The following RPS23 variants were observed in gnomAD, a reference collection of about 807,000 sequenced individuals.
The protein encoded by RPS23 is small ribosomal subunit protein uS12.
For missense variants in RPS23, 73 were observed against 174.5 expected (o/e 0.42, Z 3.28); for synonymous variants, 66 against 60.4 (o/e 1.09, Z -0.43).
In RPS23 at chr5:82,277,661, A is replaced by T. The variant is rs77901471; in HGVS notation, c.164+32T>A. On this transcript the variant is annotated intron_variant, in intron 2 of 3. Coordinates refer to ENST00000296674, the MANE Select transcript of RPS23 (RefSeq NM_001025.5). ...AGTTCATGTCTCGAATTCCTATAAT[A>T]AACTAAAACTTGACGGGAGCAATGG... 1,537 of 1,606,890 alleles carry T rather than the reference A, an allele frequency of 9.6e-4. 15 individuals carry two copies. The African/African-American group carries it at 0.018, about 19-fold the overall frequency.
In RPS23 at chr5:82,275,715, G is replaced by C. The variant is rs146325047; in HGVS notation, c.*394C>G. 8.1e-6 allele frequency: 2 copies of C among 247,504 alleles called. No individual in the cohort carries two copies. The highest frequency in any genetic ancestry group is 5.0e-5 in the Admixed American group (1 of 20,124). 15.3% of individuals were successfully genotyped at this position (247,504 alleles called of 1,614,324 possible). A position where few individuals can be genotyped will look rare whatever the true frequency, so the allele number is the denominator to read the frequency against. Reference sequence around the variant, plus strand: ...CTATGTGCAATGAAATTTGGTAACTGAAGTGTTGCACCCGATATGGAAAAT... The same window carrying C: ...CTATGTGCAATGAAATTTGGTAACTCAAGTGTTGCACCCGATATGGAAAAT... On this transcript the variant is annotated 3_prime_UTR_variant, in exon 4 of 4. Transcript: ENST00000296674.
At position 82,276,418 on chromosome 5, in the gene RPS23, C is replaced by T. The variant is rs755615633; in HGVS notation, c.265G>A (p.Gly89Ser). Residue 89 changes from glycine (G) to serine (S), a missense_variant, in exon 3 of 4, where the codon GGT becomes AGT. Transcript: ENST00000296674. The stretch of plus-strand genomic sequence containing the variant: ...CTCACCTCAATAAAGTTCAAGCAAC[C>T]GTCATTGGGTACAAAGGCTGTGATT... Reference protein sequence around the residue: ...KKITAFVPNDGCLNFIEENDE... With the variant: ...KKITAFVPNDSCLNFIEENDE... 2 of 1,613,916 alleles carry T rather than the reference C, an allele frequency of 1.2e-6. No homozygotes were observed.
chr5:82,277,547 G>A lies in RPS23; in HGVS notation c.164+146C>T, dbSNP rs146177646. On this transcript the variant is annotated intron_variant, in intron 2 of 3. Transcript: ENST00000296674. ...AACTAATTTTACCAACTTTTAAATA[G>A]AACAAACGCTTTGCAATTTTACCCC... The A allele has an allele frequency of 1.7e-5, 14 of 831,912 alleles. No individual in the cohort carries two copies. In the East Asian group the frequency reaches 2.7e-4, roughly 16 times the overall value. 51.5% of individuals were successfully genotyped at this position (831,912 alleles called of 1,614,324 possible).
chr5:82,277,432 T>G (rs1312051862), intron 2 of RPS23: 2 of 482,682 alleles, frequency 4.1e-6, no homozygotes, highest in Non-Finnish European at 3.7e-6. Flanking sequence ...AGTAAAGGTG[T>G]TTGTGTCCTT....
chr5:82,275,198 C>A lies in RPS23; in HGVS notation c.*911G>T, dbSNP rs115286258. Reference sequence around the variant, plus strand: ...AGGCTTTGATCAAAGGGCTAATTAACCCATACTTACTATTTGTTAACAGGA... The same window carrying A: ...AGGCTTTGATCAAAGGGCTAATTAAACCATACTTACTATTTGTTAACAGGA... On this transcript the variant is annotated 3_prime_UTR_variant, in exon 4 of 4. Coordinates refer to ENST00000296674, the MANE Select transcript of RPS23 (RefSeq NM_001025.5). The A allele has an allele frequency of 3.4e-3, 2,375 of 702,472 alleles. 34 individuals are homozygous for A. The African/African-American group carries it at 0.036, about 11-fold the overall frequency. The allele number at this position is 702,472 out of a possible 1,614,324, so 43.5% of individuals were successfully genotyped here.
rs756433834 is a variant in RPS23, at chr5:82,276,423, T to C, written c.260A>G (p.Asn87Ser). Residue 87 changes from asparagine to serine, a missense_variant, in exon 3 of 4, where the codon AAT (asparagine) becomes AGT (serine). By Grantham distance (46) the Asn-to-Ser change is conservative. Transcript: ENST00000296674. ...CTCAATAAAGTTCAAGCAACCGTCA[T>C]TGGGTACAAAGGCTGTGATTTTCTT... ...NGKKITAFVP[N>S]DGCLNFIEEN... is the part of the protein sequence containing the mutation. The C allele has an allele frequency of 3.5e-5, 56 of 1,613,842 alleles. No individual in the cohort carries two copies. Among genetic ancestry groups the C allele is most frequent in the Middle Eastern group, 1.6e-4 (1 of 6,084 alleles).
intron 2 of RPS23, 199 bp downstream of exon 2, chr5:82,277,494 T>C: frequency 3.3e-6 from 2 of 611,382 alleles, no homozygotes; most frequent in Admixed American, 2.9e-5. Context: ...CAACGTTAAA[T>C]TAAAACCTTA....
rs1175229080 is a variant in RPS23, at chr5:82,275,834, T to C, written c.*275A>G. On this transcript the variant is annotated 3_prime_UTR_variant, in exon 4 of 4. Transcript: ENST00000296674. ...AAAGTAATACTACAATACTGCACATTTATTCCAGATCTATCCCATTTTCTT... is the reference window on the plus strand; with the variant it reads ...AAAGTAATACTACAATACTGCACATCTATTCCAGATCTATCCCATTTTCTT... The C allele has an allele frequency of 4.9e-6, 2 of 411,622 alleles. No individual in the cohort carries two copies. Among genetic ancestry groups the C allele is most frequent in the African/African-American group, 4.1e-5 (2 of 49,294 alleles). 25.5% of individuals were successfully genotyped at this position (411,622 alleles called of 1,614,324 possible).
At chr5:82,277,433 T>C (rs1747892957) in intron 2 of RPS23, 1 of 484,676 alleles carries the variant, frequency 2.1e-6, no homozygotes. Flanking sequence ...GTAAAGGTGT[T>C]TGTGTCCTTT....
Position 82,276,010 on chromosome 5 carries a change from T to A in RPS23, c.*99A>T. On this transcript the variant is annotated 3_prime_UTR_variant, in exon 4 of 4. Coordinates refer to ENST00000296674, the MANE Select transcript of RPS23 (RefSeq NM_001025.5). The stretch of plus-strand genomic sequence containing the variant: ...AAAAAATAAGGGGGGGTGGTGGTGG[T>A]AATGAACATGATCTTCGTGGTGAGA... 1 of 1,137,922 alleles carries A rather than the reference T, an allele frequency of 8.8e-7. No individual in the cohort carries two copies. The highest frequency in any genetic ancestry group is 1.5e-5 in the South Asian group (1 of 65,244). 70.5% of individuals were successfully genotyped at this position (1,137,922 alleles called of 1,614,324 possible).
In RPS23 at chr5:82,274,875, G is replaced by A; in HGVS notation, c.*1234C>T. On this transcript the variant is annotated 3_prime_UTR_variant, in exon 4 of 4. Transcript: ENST00000296674. ...CATCATCATCAAGAGATAAACCGAA[G>A]TGTGCTGGAAAACACACGAGCTCTT... The A allele has an allele frequency of 3.9e-6, 1 of 253,560 alleles. No individual in the cohort carries two copies. The highest frequency in any genetic ancestry group is 2.2e-5 in the African/African-American group (1 of 45,262). The allele number at this position is 253,560 out of a possible 1,614,324, so 15.7% of individuals were successfully genotyped here. A position where few individuals can be genotyped will look rare whatever the true frequency, so the allele number is the denominator to read the frequency against.
rs146325047 is a variant in RPS23, at chr5:82,275,715, G to T, written c.*394C>A. The T allele has an allele frequency of 6.8e-4, 168 of 247,622 alleles. No homozygotes were observed. Among genetic ancestry groups the T allele is most frequent in the African/African-American group, 3.3e-3 (147 of 44,634 alleles). The allele number at this position is 247,622 out of a possible 1,614,324, so 15.3% of individuals were successfully genotyped here. A position where few individuals can be genotyped will look rare whatever the true frequency, so the allele number is the denominator to read the frequency against. On this transcript the variant is annotated 3_prime_UTR_variant, in exon 4 of 4. Coordinates refer to ENST00000296674, the MANE Select transcript of RPS23 (RefSeq NM_001025.5). ...CTATGTGCAATGAAATTTGGTAACT[G>T]AAGTGTTGCACCCGATATGGAAAAT...
Position 82,274,945 on chromosome 5 carries a change from G to C in RPS23, c.*1164C>G. On this transcript the variant is annotated 3_prime_UTR_variant, in exon 4 of 4. Coordinates refer to ENST00000296674, the MANE Select transcript of RPS23 (RefSeq NM_001025.5). ...GCAAGGAACCATAGTAACAGGAACA[G>C]AGGTCCTGAGGCTGGATATGGAACC... 1 of 436,590 alleles carries C rather than the reference G, an allele frequency of 2.3e-6. No individual in the cohort carries two copies. Among genetic ancestry groups the C allele is most frequent in the East Asian group, 4.1e-5 (1 of 24,462 alleles). 27.0% of individuals were successfully genotyped at this position (436,590 alleles called of 1,614,324 possible).
In RPS23 at chr5:82,275,998, G is replaced by T. The variant is rs370274110; in HGVS notation, c.*111C>A. ...GGTTTAGGATAAAAAAAATAAGGGG[G>T]GGTGGTGGTGGTAATGAACATGATC... On this transcript the variant is annotated 3_prime_UTR_variant, in exon 4 of 4. Transcript: ENST00000296674. The T allele has an allele frequency of 6.4e-4, 641 of 996,452 alleles. 6 individuals carry two copies. The South Asian group carries it at 8.7e-3, about 14-fold the overall frequency. The allele number at this position is 996,452 out of a possible 1,614,324, so 61.7% of individuals were successfully genotyped here.
chr5:82,276,845 CAA>C (rs374894611), intron 2 of RPS23: 30 of 134,202 alleles, frequency 2.2e-4, no homozygotes, highest in South Asian at 7.4e-4. Context: ...GACCCTATCT[CAA>C]AAAAAAAAAA....
In RPS23 at chr5:82,275,067, C is replaced by T. The variant is rs1451282406; in HGVS notation, c.*1042G>A. 6.7e-6 allele frequency: 4 copies of T among 601,456 alleles called. No individual in the cohort carries two copies. Among genetic ancestry groups the T allele is most frequent in the South Asian group, 2.0e-5 (1 of 49,874 alleles). The allele number at this position is 601,456 out of a possible 1,614,324, so 37.3% of individuals were successfully genotyped here. Reference sequence around the variant, plus strand: ...AAGGCTGGAATATGCAGGTATGAAGCGCAACCTGGGTTCTTCTGTGCCATG... The same window carrying T: ...AAGGCTGGAATATGCAGGTATGAAGTGCAACCTGGGTTCTTCTGTGCCATG... On this transcript the variant is annotated 3_prime_UTR_variant, in exon 4 of 4. Coordinates refer to ENST00000296674, the MANE Select transcript of RPS23 (RefSeq NM_001025.5).
At position 82,274,834 on chromosome 5, in the gene RPS23, C is replaced by T. The variant is rs907250101; in HGVS notation, c.*1275G>A. On this transcript the variant is annotated 3_prime_UTR_variant, in exon 4 of 4. Transcript: ENST00000296674. ...CCAACAGGCAGCCTTTCCGCCCTTG[C>T]GGAGGGAGAGACTAGCATCATCATC... The T allele has an allele frequency of 2.4e-5, 5 of 210,418 alleles. No individual in the cohort carries two copies. The highest frequency in any genetic ancestry group is 9.1e-5 in the South Asian group (1 of 10,944). The allele number at this position is 210,418 out of a possible 1,614,324, so 13.0% of individuals were successfully genotyped here.
chr5:82,276,479 C>T lies in RPS23; in HGVS notation c.204G>A (p.Lys68=), dbSNP rs375177350. ...EAKQPNSAIR[K]CVRVQLIKNG... Reference sequence around the variant, plus strand: ...TCTTGATCAGCTGGACCCTTACACACTTCCTAATGGCAGAATTTGGCTGTT... The same window carrying T: ...TCTTGATCAGCTGGACCCTTACACATTTCCTAATGGCAGAATTTGGCTGTT... Residue 68 remains lysine, a synonymous_variant, in exon 3 of 4, where the codon AAG becomes AAA. Coordinates refer to ENST00000296674, the MANE Select transcript of RPS23 (RefSeq NM_001025.5). 1.5e-5 allele frequency: 24 copies of T among 1,613,832 alleles called. No homozygotes were observed. Among genetic ancestry groups the T allele is most frequent in the Non-Finnish European group, 1.9e-5 (23 of 1,179,862 alleles).
Position 82,276,014 on chromosome 5 carries a change from G to A in RPS23, c.*95C>T. The A allele has an allele frequency of 8.3e-7, 1 of 1,211,718 alleles. No homozygotes were observed. The highest frequency in any genetic ancestry group is 1.2e-6 in the Non-Finnish European group (1 of 857,708). 75.1% of individuals were successfully genotyped at this position (1,211,718 alleles called of 1,614,324 possible). On this transcript the variant is annotated 3_prime_UTR_variant, in exon 4 of 4. Coordinates refer to ENST00000296674, the MANE Select transcript of RPS23 (RefSeq NM_001025.5). ...AATAAGGGGGGGTGGTGGTGGTAATGAACATGATCTTCGTGGTGAGAACAG... is the reference window on the plus strand; with the variant it reads ...AATAAGGGGGGGTGGTGGTGGTAATAAACATGATCTTCGTGGTGAGAACAG...
Sources: gnomAD v4.1 joint callset for allele counts on GRCh38, gnomAD v4.1.1 for gene constraint, MANE v1.5 for transcripts, NCBI Gene and HGNC (gene_info 2026-07-23, HGNC 2026-07-21) for gene names.